Variants in KCND2 observed in about 807,000 individuals in gnomAD.
KCND2 encodes the protein potassium voltage-gated channel subfamily D member 2.
In KCND2, 16 loss-of-function variants were observed where a neutral mutation model predicts 54.4. The ratio of observed to expected loss-of-function variants is 0.29; its 90% confidence interval spans 0.20 to 0.45. KCND2 has a LOEUF of 0.45. Ranked by LOEUF, KCND2 falls within the 20% of genes least tolerant of loss-of-function variation. The probability of loss-of-function intolerance (pLI) is 1.00; values close to 1 mark genes in which losing one functional copy is unlikely to be tolerated. For synonymous variants in KCND2, 317 were observed against 310.7 expected, an observed-to-expected ratio of 1.02 and a Z score of -0.21; for missense variants, 486 against 824.2, an observed-to-expected ratio of 0.59 and a Z score of 5.02.
chr7:120,713,342 G>C (rs540244357), intron 1 of KCND2, among the ~76,000 whole-genome samples: 1 of 152,072 alleles, frequency 6.6e-6, no homozygotes, highest in Non-Finnish European at 1.5e-5. Flanking sequence ...GTGAATATTC[G>C]TATCTCCACA....
chr7:120,422,763 G>C (rs1318985500), intron 1 of KCND2, among the ~76,000 whole-genome samples: 1 of 152,090 alleles, frequency 6.6e-6, no homozygotes, highest in Non-Finnish European at 1.5e-5. Flanking sequence ...TAGCTCCAAG[G>C]GCAGCCAACT....
chr7:120,738,849 T>G (rs777352469), intron 2 of KCND2, among the ~76,000 whole-genome samples: 1 of 152,050 alleles, frequency 6.6e-6, no homozygotes, highest in Non-Finnish European at 1.5e-5. Flanking sequence ...AATTACCTGC[T>G]GTAATCACAA....
chr7:120,335,928 T>A (rs1800145473), intron 1 of KCND2, among the ~76,000 whole-genome samples: 1 of 152,250 alleles, frequency 6.6e-6, no homozygotes, highest in Non-Finnish European at 1.5e-5. Flanking sequence ...ATTTTTTTTC[T>A]AGTATGCTCA....
chr7:120,353,168 A>G (rs574608360), intron 1 of KCND2, among the ~76,000 whole-genome samples: 1 of 122,254 alleles, frequency 8.2e-6, no homozygotes, highest in Admixed American at 1.1e-4. Context: ...TAGGCAAACT[A>G]TAACACACAG....
intron 1 of KCND2, among the ~76,000 whole-genome samples, chr7:120,639,561 G>T (rs556554891): frequency 6.6e-6 from 1 of 152,216 alleles, no homozygotes; most frequent in Admixed American, 6.5e-5. Flanking sequence ...AACACAGCAT[G>T]GGCACAGTAG....
chr7:120,449,285 C>T (rs959061484), intron 1 of KCND2, among the ~76,000 whole-genome samples: 11 of 150,922 alleles, frequency 7.3e-5, no homozygotes, highest in African/African-American at 2.4e-4. Flanking sequence ...GCCGAGATCA[C>T]GCCACTGCAC....
intron 1 of KCND2, among the ~76,000 whole-genome samples, chr7:120,724,845 A>G (rs1161374111): frequency 6.6e-6 from 1 of 152,146 alleles, no homozygotes; most frequent in Non-Finnish European, 1.5e-5. Flanking sequence ...TAACTTCTTT[A>G]AAAATCATAA....
rs374316979 is a variant in KCND2, at chr7:120,693,591, G to A, written c.1116-39312G>A. 2.5e-4 allele frequency among the ~76,000 whole-genome samples: 38 copies of A among 152,290 alleles called. 1 individual carries two copies. In the East Asian group the frequency reaches 5.8e-3, roughly 23 times the overall value. On this transcript the variant is annotated intron_variant, in intron 1 of 5. Transcript: ENST00000331113. ...ATGAAGTGGAGGAAGAGGGAAAAAG[G>A]AAAGAGGCAGGGAAGTTAACTGGCT...
intron 1 of KCND2, among the ~76,000 whole-genome samples, chr7:120,281,332 G>T (rs1351153975): frequency 1.3e-5 from 2 of 150,734 alleles, no homozygotes; most frequent in Non-Finnish European, 2.9e-5. Context: ...ACGTATGCAT[G>T]TATGTATGTA....
At chr7:120,683,193 T>A (rs866317603) in intron 1 of KCND2, among the ~76,000 whole-genome samples, 37 of 152,338 alleles carry the variant, frequency 2.4e-4, no homozygotes, top group African/African-American at 8.7e-4. Flanking sequence ...CCTTTCATCC[T>A]GTGCATTTTT....
intron 1 of KCND2, among the ~76,000 whole-genome samples, chr7:120,602,352 T>C (rs1176320673): frequency 6.6e-6 from 1 of 152,138 alleles, no homozygotes; most frequent in East Asian, 1.9e-4. Flanking sequence ...TTAGTGTACA[T>C]TTTTCTTGTT....
At chr7:120,310,628 G>C (rs117204568) in intron 1 of KCND2, among the ~76,000 whole-genome samples, 6,348 of 152,170 alleles carry the variant, frequency 0.042, 197 homozygotes, top group Non-Finnish European at 0.064. Flanking sequence ...ATTATAGAAA[G>C]CTATATAGAC....
chr7:120,511,560 A>G (rs1405569637), intron 1 of KCND2, among the ~76,000 whole-genome samples: 1 of 152,130 alleles, frequency 6.6e-6, no homozygotes, highest in Non-Finnish European at 1.5e-5. Flanking sequence ...TTGGTGATGT[A>G]TACATCCCCA....
At chr7:120,638,714 C>T (rs1025156148) in intron 1 of KCND2, among the ~76,000 whole-genome samples, 1 of 152,104 alleles carries the variant, frequency 6.6e-6, no homozygotes, top group Middle Eastern at 3.2e-3. Context: ...CTACACATCT[C>T]CCTCTCTAGT....
chr7:120,377,498 A>G (rs1800850374), intron 1 of KCND2, among the ~76,000 whole-genome samples: 1 of 151,806 alleles, frequency 6.6e-6, no homozygotes, highest in South Asian at 2.1e-4. Flanking sequence ...TTTCCTAGAT[A>G]GGACAGAATT....
intron 1 of KCND2, among the ~76,000 whole-genome samples, chr7:120,624,231 TCTAA>T (rs1793137686): frequency 2.0e-5 from 3 of 152,280 alleles, no homozygotes; most frequent in Non-Finnish European, 2.9e-5. Context: ...TAAATCGCAT[TCTAA>T]CTAAGACTGA....
intron 1 of KCND2, among the ~76,000 whole-genome samples, chr7:120,481,110 G>A (rs1802602443): frequency 6.6e-6 from 1 of 152,210 alleles, no homozygotes; most frequent in African/African-American, 2.4e-5. Context: ...AGTCTGAGAA[G>A]GCCTCAGATG....
At chr7:120,407,722 A>G (rs933352680) in intron 1 of KCND2, among the ~76,000 whole-genome samples, 4 of 150,448 alleles carry the variant, frequency 2.7e-5, no homozygotes, top group African/African-American at 7.3e-5. Flanking sequence ...ATATAAAAAT[A>G]TAATAATATA....
At chr7:120,339,653 A>C (rs1800211359) in intron 1 of KCND2, among the ~76,000 whole-genome samples, 1 of 152,128 alleles carries the variant, frequency 6.6e-6, no homozygotes, top group Admixed American at 6.5e-5. Flanking sequence ...TATTCTAGGC[A>C]CTTGGGTTAC....
Sources: gnomAD v4.1 joint callset for allele counts (sites outside exome capture counted in the v4.1 genomes callset) on GRCh38, gnomAD v4.1.1 for gene constraint, MANE v1.5 for transcripts, NCBI Gene and HGNC (gene_info 2026-07-23, HGNC 2026-07-21) for gene names.